Variants in ZDBF2 observed in about 807,000 individuals in gnomAD.
The protein encoded by ZDBF2 is DBF4-type zinc finger-containing protein 2.
In ZDBF2, 6 loss-of-function variants were observed where a neutral mutation model predicts 9.4. The ratio of observed to expected loss-of-function variants is 0.64; its 90% confidence interval spans 0.35 to 1.27. ZDBF2 has a LOEUF of 1.27. ZDBF2 is among the 50% of genes most tolerant of loss of function. The pLI is 0.03. For missense variants in ZDBF2, 2,697 were observed against 2,766.8 expected (o/e 0.97, Z 0.57); for synonymous variants, 905 against 946.3 (o/e 0.96, Z 0.80).
chr2:206,310,531 G>C lies in ZDBF2; in HGVS notation c.6003G>C (p.Lys2001Asn). ...CTGCATCATGTACTAAAGTTTTGAA[G>C]CCTATGCAACCCAAAGCCTTAGTCT... Reference protein sequence around the residue: ...EFPASCTKVLKPMQPKALVCV... With the variant: ...EFPASCTKVLNPMQPKALVCV... Residue 2001 changes from lysine to asparagine, a missense_variant, in exon 5 of 5, where the codon AAG becomes AAC. Physicochemically the swap from Lys to Asn is moderately conservative, Grantham distance 94 (BLOSUM62 0). This residue lies in a region of ZDBF2 where 1,783 missense variants were observed against 1,776.5 expected (regional missense o/e 1.00). Transcript: ENST00000374423. 6.2e-7 allele frequency: 1 copy of C among 1,613,546 alleles called. No individual in the cohort carries two copies. Among genetic ancestry groups the C allele is most frequent in the Non-Finnish European group, 8.5e-7 (1 of 1,179,806 alleles).
chr2:206,284,015 G>A (rs1691470898), intron 3 of ZDBF2, among the ~76,000 whole-genome samples: 1 of 152,052 alleles, frequency 6.6e-6, no homozygotes, highest in South Asian at 2.1e-4. Context: ...TTTAAATTTT[G>A]CTGTTTTGCT....
intron 3 of ZDBF2, among the ~76,000 whole-genome samples, chr2:206,295,505 AG>A (rs1692124660): frequency 6.6e-6 from 1 of 151,832 alleles, no homozygotes. Context: ...CTAGGACTAC[AG>A]GCGCGCAGCA....
At chr2:206,284,984 C>A (rs1408118879) in intron 3 of ZDBF2, among the ~76,000 whole-genome samples, 1 of 152,228 alleles carries the variant, frequency 6.6e-6, no homozygotes, top group East Asian at 1.9e-4. Context: ...CTGCCTCAGC[C>A]TCCCAAAGTG....
At chr2:206,301,850 A>C (rs1228281979) in intron 4 of ZDBF2, among the ~76,000 whole-genome samples, 1 of 151,942 alleles carries the variant, frequency 6.6e-6, no homozygotes, top group Non-Finnish European at 1.5e-5. Flanking sequence ...TTCGTCTTAA[A>C]TTGGGTGCCC....
chr2:206,305,683 A>G lies in ZDBF2; in HGVS notation c.1155A>G (p.Leu385=), dbSNP rs746936849. Residue 385 remains leucine, a synonymous_variant, in exon 5 of 5, where the codon TTA becomes TTG. Transcript: ENST00000374423. ...AGCCCCAAGAGACTGCACAAGACTT[A>G]AGTCTTTGGAAGGAGGAGCAAATTG... ...SDQPQETAQD[L]SLWKEEQIDQ... The G allele has an allele frequency of 3.1e-6, 5 of 1,613,696 alleles. No homozygotes were observed. The South Asian group carries it at 5.5e-5, about 18-fold the overall frequency.
chr2:206,307,178 A>G lies in ZDBF2; in HGVS notation c.2650A>G (p.Thr884Ala), dbSNP rs1197598994. 3.1e-6 allele frequency: 5 copies of G among 1,613,384 alleles called. No homozygotes were observed. The highest frequency in any genetic ancestry group is 4.2e-6 in the Non-Finnish European group (5 of 1,179,698). The change falls in exon 5 of 5, where the codon ACT (threonine) becomes GCT (alanine). Residue 884 changes from threonine to alanine, a missense_variant. This residue lies in a region of ZDBF2 where 1,783 missense variants were observed against 1,776.5 expected (regional missense o/e 1.00). Coordinates refer to ENST00000374423, the MANE Select transcript of ZDBF2 (RefSeq NM_020923.3). ...SDSHAPLHSV[T>A]NSPEVAVKKL... Reference sequence around the variant, plus strand: ...TTCCCATGCCCCTCTTCATTCAGTGACTAATTCTCCCGAAGTAGCTGTTAA... The same window carrying G: ...TTCCCATGCCCCTCTTCATTCAGTGGCTAATTCTCCCGAAGTAGCTGTTAA...
At chr2:206,275,951 G>A (rs926943431) in intron 1 of ZDBF2, among the ~76,000 whole-genome samples, 2 of 152,216 alleles carry the variant, frequency 1.3e-5, no homozygotes, top group African/African-American at 4.8e-5. Flanking sequence ...AAGTATCACT[G>A]CAGTGGCCAG....
chr2:206,277,123 CTT>C (rs1691052046), intron 1 of ZDBF2, among the ~76,000 whole-genome samples: 2 of 152,004 alleles, frequency 1.3e-5, no homozygotes, highest in African/African-American at 4.8e-5. Context: ...GTTGATGTCT[CTT>C]TTGTCAGGCA....
rs1692792244 is a variant in ZDBF2, at chr2:206,306,303, T to C, written c.1775T>C (p.Val592Ala). The change falls in exon 5 of 5, where the codon GTA (valine) becomes GCA (alanine). Residue 592 changes from valine to alanine, a missense_variant. Around this residue, in one of 3 missense-constraint regions of ZDBF2, gnomAD observed 910 missense variants for 973.6 expected, o/e 0.93. Coordinates refer to ENST00000374423, the MANE Select transcript of ZDBF2 (RefSeq NM_020923.3). ...GATTGTGATGTTTCTCTTGAGTCAG[T>C]AGTTGATCATCCCCAACTGACTGTC... The part of the protein sequence containing the change: ...SFDCDVSLES[V>A]VDHPQLTVKG... 1.2e-6 allele frequency: 2 copies of C among 1,613,536 alleles called. No individual in the cohort carries two copies.
chr2:206,297,805 G>A (rs1031738170), intron 4 of ZDBF2, among the ~76,000 whole-genome samples: 4 of 151,956 alleles, frequency 2.6e-5, no homozygotes, highest in African/African-American at 4.8e-5. Context: ...TCAGCCTCCC[G>A]AGTAGCTGGG....
rs572938202 is a variant in ZDBF2, at chr2:206,310,647, G to T, written c.6119G>T (p.Arg2040Leu). 19 of 1,609,138 alleles carry T rather than the reference G, an allele frequency of 1.2e-5. No homozygotes were observed. Among genetic ancestry groups the T allele is most frequent in the Non-Finnish European group, 1.5e-5 (18 of 1,177,422 alleles). The change falls in exon 5 of 5, where the codon CGG becomes CTG. Residue 2040 changes from arginine to leucine, a missense_variant. Coordinates refer to ENST00000374423, the MANE Select transcript of ZDBF2 (RefSeq NM_020923.3). ...CACCATAGTTGGGATAATGATATTC[G>T]GTTTATATGCAAATATAAACGGAAT... Reference protein sequence around the residue: ...MRHHSWDNDIRFICKYKRNIF... With the variant: ...MRHHSWDNDILFICKYKRNIF...
At chr2:206,289,436 C>G (rs1385449106) in intron 3 of ZDBF2, among the ~76,000 whole-genome samples, 10 of 151,846 alleles carry the variant, frequency 6.6e-5, no homozygotes, top group Non-Finnish European at 7.4e-5. Context: ...CACTTCAGCT[C>G]CAGCCTGATG....
At chr2:206,280,037 G>A (rs753922247) in intron 2 of ZDBF2, among the ~76,000 whole-genome samples, 34 of 152,112 alleles carry the variant, frequency 2.2e-4, no homozygotes, top group Non-Finnish European at 4.3e-4. Flanking sequence ...ACTCCTAACC[G>A]CAGGCGATCC....
At chr2:206,290,876 G>A (rs969345327) in intron 3 of ZDBF2, among the ~76,000 whole-genome samples, 2 of 152,092 alleles carry the variant, frequency 1.3e-5, no homozygotes, top group Non-Finnish European at 1.5e-5. Flanking sequence ...TTTCTAGTAT[G>A]ATGAGTGTTA....
intron 1 of ZDBF2, among the ~76,000 whole-genome samples, chr2:206,277,924 C>G (rs185703524): frequency 1.3e-5 from 2 of 152,178 alleles, no homozygotes; most frequent in Admixed American, 1.3e-4. Flanking sequence ...CTTGACAGGG[C>G]TTTTATCTAC....
At chr2:206,304,692 A>T in intron 4 of ZDBF2, 25 bp from the exon 5 acceptor site, 1 of 1,573,120 alleles carries the variant, frequency 6.4e-7, no homozygotes, top group Non-Finnish European at 8.6e-7. Flanking sequence ...GAATATGTTT[A>T]TGAGTTTCCC....
intron 3 of ZDBF2, among the ~76,000 whole-genome samples, chr2:206,288,686 C>G (rs945893627): frequency 3.3e-5 from 5 of 152,084 alleles, no homozygotes; most frequent in Admixed American, 2.0e-4. Flanking sequence ...AGAGCCAGGA[C>G]CTGTAACTTT....
At position 206,278,662 on chromosome 2, in the gene ZDBF2, C is replaced by T. The variant is rs143633005; in HGVS notation, c.-102-878C>T. ...AATGTACTTTGTATTTTCTTACTTT[C>T]GTACCTTTGCTTGTTGTATCATTTC... On this transcript the variant is annotated intron_variant, in intron 1 of 4. Coordinates refer to ENST00000374423, the MANE Select transcript of ZDBF2 (RefSeq NM_020923.3). Among the ~76,000 whole-genome samples, 100 of 152,220 alleles carry T rather than the reference C, an allele frequency of 6.6e-4. 1 individual carries two copies. The highest frequency in any genetic ancestry group is 2.1e-3 in the African/African-American group (89 of 41,536).
chr2:206,308,217 A>C lies in ZDBF2; in HGVS notation c.3689A>C (p.Asp1230Ala), dbSNP rs752645257. Residue 1230 changes from aspartate to alanine, a missense_variant, in exon 5 of 5, where the codon GAC (aspartate) becomes GCC (alanine). By Grantham distance (126) the Asp-to-Ala change is moderately radical (BLOSUM62 -2). Transcript: ENST00000374423. ...AGCCTTTGGAAGGATGAAGAAGTTGACACGGAAGATAGGAGAAATGAAGCT... is the reference window on the plus strand; with the variant it reads ...AGCCTTTGGAAGGATGAAGAAGTTGCCACGGAAGATAGGAGAAATGAAGCT... Reference protein sequence around the residue: ...EISLWKDEEVDTEDRRNEAKG... With the variant: ...EISLWKDEEVATEDRRNEAKG... The C allele has an allele frequency of 3.1e-6, 5 of 1,613,916 alleles. No individual in the cohort carries two copies. Among genetic ancestry groups the C allele is most frequent in the Non-Finnish European group, 3.4e-6 (4 of 1,179,852 alleles).
Sources: allele counts gnomAD v4.1 joint callset (sites outside exome capture counted in the v4.1 genomes callset), GRCh38; gene constraint gnomAD v4.1.1; regional missense constraint gnomAD v4.1.1; transcripts MANE v1.5; gene names NCBI Gene and HGNC (gene_info 2026-07-23, HGNC 2026-07-21).